The following ADGRB3 variants were observed in gnomAD, a reference collection of about 807,000 sequenced individuals.
ADGRB3 encodes adhesion G protein-coupled receptor B3.
A neutral mutation model predicts 193.4 loss-of-function variants in ADGRB3; 37 were observed. The observed-to-expected ratio is 0.19, with a 90% confidence interval of 0.15 to 0.25. The LOEUF (loss-of-function observed/expected upper bound fraction) is 0.25. ADGRB3 is among the 10% of genes least tolerant of loss of function. The pLI is 1.00. For missense variants in ADGRB3, 1,637 were observed against 1,852.9 expected (o/e 0.88, Z 2.14); for synonymous variants, 690 against 644.2 (o/e 1.07, Z -1.08).
intron 3 of ADGRB3, among the ~76,000 whole-genome samples, chr6:68,640,802 A>T (rs1768067075): frequency 6.6e-6 from 1 of 152,172 alleles, no homozygotes; most frequent in Admixed American, 6.5e-5. Flanking sequence ...AGGGATGGGA[A>T]TTATGGAAGA....
chr6:68,765,298 G>T (rs546968140), intron 3 of ADGRB3, among the ~76,000 whole-genome samples: 4 of 151,914 alleles, frequency 2.6e-5, no homozygotes, highest in African/African-American at 4.8e-5. Flanking sequence ...TTTATTTCAG[G>T]TCTGTCTGTT....
chr6:68,639,515 C>A, intron 3 of ADGRB3, 83 bp downstream of exon 3: 1 of 1,395,470 alleles, frequency 7.2e-7, no homozygotes, highest in South Asian at 1.5e-5. Flanking sequence ...ACACACAGGC[C>A]TAATTATTTA....
intron 20 of ADGRB3, among the ~76,000 whole-genome samples, chr6:69,300,396 A>G (rs1326170000): frequency 1.3e-5 from 2 of 151,830 alleles, no homozygotes; most frequent in African/African-American, 4.8e-5. Context: ...ATTTCCTCTA[A>G]GATCATGAAA....
At chr6:68,911,179 A>G (rs1766695837) in intron 3 of ADGRB3, among the ~76,000 whole-genome samples, 1 of 149,478 alleles carries the variant, frequency 6.7e-6, no homozygotes, top group East Asian at 2.0e-4. Flanking sequence ...AAAAAACCAA[A>G]CACTGCATGT....
In ADGRB3 at chr6:69,233,461, T is replaced by C. The variant is rs779400455; in HGVS notation, c.2607+45T>C. On this transcript the variant is annotated intron_variant, in intron 18 of 31. Coordinates refer to ENST00000370598, the MANE Select transcript of ADGRB3 (RefSeq NM_001704.3). ...CACGGCTTTAACGCAAAGACAGGGA[T>C]ATTGTGGCTAGTGTTTCTCCAGGGA... The C allele has an allele frequency of 3.7e-6, 6 of 1,610,360 alleles. No homozygotes were observed. In the Admixed American group the frequency reaches 1.0e-4, roughly 27 times the overall value.
At chr6:68,757,683 CATA>C (rs1285462266) in intron 3 of ADGRB3, among the ~76,000 whole-genome samples, 1 of 151,948 alleles carries the variant, frequency 6.6e-6, no homozygotes, top group Non-Finnish European at 1.5e-5. Flanking sequence ...ACTTTTATAG[CATA>C]ATAAGCAAAA....
At chr6:69,260,888 T>C (rs1766909906) in intron 20 of ADGRB3, among the ~76,000 whole-genome samples, 1 of 152,186 alleles carries the variant, frequency 6.6e-6, no homozygotes, top group Admixed American at 6.5e-5. Flanking sequence ...TAAACTAGTC[T>C]AAACTGTATT....
intron 30 of ADGRB3, among the ~76,000 whole-genome samples, chr6:69,372,663 G>A (rs958033852): frequency 2.0e-5 from 3 of 152,016 alleles, no homozygotes; most frequent in African/African-American, 7.2e-5. Flanking sequence ...CTGGACAAGT[G>A]AGGAATTTGT....
At chr6:68,778,546 T>C (rs1309820558) in intron 3 of ADGRB3, among the ~76,000 whole-genome samples, 1 of 152,100 alleles carries the variant, frequency 6.6e-6, no homozygotes, top group Non-Finnish European at 1.5e-5. Flanking sequence ...TTTCAACTCT[T>C]CCAGTGTCAT....
intron 20 of ADGRB3, among the ~76,000 whole-genome samples, chr6:69,243,884 A>G (rs1766435049): frequency 6.6e-6 from 1 of 152,028 alleles, no homozygotes; most frequent in South Asian, 2.1e-4. Flanking sequence ...AAATAACAAA[A>G]TATTATAAAA....
chr6:69,216,834 A>G (rs1296346310), intron 17 of ADGRB3, among the ~76,000 whole-genome samples: 1 of 152,160 alleles, frequency 6.6e-6, no homozygotes, highest in African/African-American at 2.4e-5. Flanking sequence ...GGTGGTCTTC[A>G]GTGGAATGAT....
chr6:68,760,100 G>A (rs1025183953), intron 3 of ADGRB3, among the ~76,000 whole-genome samples: 1 of 152,122 alleles, frequency 6.6e-6, no homozygotes, highest in Admixed American at 6.6e-5. Flanking sequence ...GCAGATACAA[G>A]CAATTCAGTA....
At position 69,050,757 on chromosome 6, in the gene ADGRB3, G is replaced by A. The variant is rs559324297; in HGVS notation, c.2333+1411G>A. 9.3e-4 allele frequency among the ~76,000 whole-genome samples: 142 copies of A among 152,250 alleles called. 1 individual carries two copies. Among genetic ancestry groups the A allele is most frequent in the African/African-American group, 3.1e-3 (129 of 41,544 alleles). On this transcript the variant is annotated intron_variant, in intron 15 of 31. Transcript: ENST00000370598. ...TTTTCATTTCAATTAAACATGTTGA[G>A]AATTTTATAAACTTGTCCAGTCACT...
At chr6:69,280,067 G>C (rs1169078511) in intron 20 of ADGRB3, among the ~76,000 whole-genome samples, 1 of 152,140 alleles carries the variant, frequency 6.6e-6, no homozygotes, top group Non-Finnish European at 1.5e-5. Context: ...CCTCAAAAGA[G>C]AGCTGACAGC....
intron 3 of ADGRB3, among the ~76,000 whole-genome samples, chr6:68,840,496 A>T (rs1768134581): frequency 6.8e-6 from 1 of 146,638 alleles, no homozygotes. Flanking sequence ...GCCTAGGCTC[A>T]AGTGATCCTT....
At chr6:69,222,486 A>G (rs1313674344) in intron 17 of ADGRB3, among the ~76,000 whole-genome samples, 1 of 152,190 alleles carries the variant, frequency 6.6e-6, no homozygotes, top group Non-Finnish European at 1.5e-5. Flanking sequence ...TGTAGAAGCC[A>G]AGTTTCTTAT....
chr6:69,187,899 A>G (rs1210376671), intron 17 of ADGRB3, among the ~76,000 whole-genome samples: 1 of 152,156 alleles, frequency 6.6e-6, no homozygotes, highest in African/African-American at 2.4e-5. Context: ...AAAATCAGCA[A>G]AGATGGAGAA....
At chr6:69,130,289 C>T (rs1045337805) in intron 17 of ADGRB3, among the ~76,000 whole-genome samples, 14 of 151,944 alleles carry the variant, frequency 9.2e-5, no homozygotes, top group African/African-American at 2.7e-4. Flanking sequence ...AAAATTATCA[C>T]GGTGGCCATT....
At chr6:68,841,573 C>T (rs553585234) in intron 3 of ADGRB3, among the ~76,000 whole-genome samples, 3 of 152,118 alleles carry the variant, frequency 2.0e-5, no homozygotes, top group African/African-American at 7.2e-5. Context: ...GTAATGGAAA[C>T]ACAACATACC....
Sources: gnomAD v4.1 joint callset for allele counts (sites outside exome capture counted in the v4.1 genomes callset) on GRCh38, gnomAD v4.1.1 for gene constraint, MANE v1.5 for transcripts, NCBI Gene and HGNC (gene_info 2026-07-23, HGNC 2026-07-21) for gene names.